Variants in MATCAP2 observed in about 807,000 individuals in gnomAD.
MATCAP2 encodes the protein putative tyrosine carboxypeptidase MATCAP2.
At chr7:36,362,317 C>T in the MATCAP2 span, among the ~76,000 whole-genome samples, 1 of 152,298 alleles carries the variant, frequency 6.6e-6, no homozygotes, top group Non-Finnish European at 1.5e-5. Context: ...TTCAGGAATT[C>T]AGAAACTTGA....
At chr7:36,325,802 C>T in the MATCAP2 span, 1 of 152,036 alleles carries the variant, frequency 6.6e-6, no homozygotes, top group Non-Finnish European at 1.5e-5. Context: ...ATATACTGAA[C>T]CAATAGCACA....
At chr7:36,357,505 G>C in the MATCAP2 span, 1 of 1,613,946 alleles carries the variant, frequency 6.2e-7, no homozygotes, top group Non-Finnish European at 8.5e-7. Flanking sequence ...AATGTGAAAT[G>C]CTTCTTTTGT....
the MATCAP2 span, chr7:36,326,232 T>A: frequency 6.6e-6 from 1 of 152,208 alleles, no homozygotes; most frequent in Admixed American, 6.5e-5. Context: ...CAAATTGCTT[T>A]TCCTCTCCCT....
the MATCAP2 span, among the ~76,000 whole-genome samples, chr7:36,376,956 A>T: frequency 6.6e-6 from 1 of 151,950 alleles, no homozygotes; most frequent in Non-Finnish European, 1.5e-5. Context: ...TTGCCTTGGT[A>T]GATCTTCCTC....
chr7:36,366,108 CT>C, the MATCAP2 span, among the ~76,000 whole-genome samples: 5 of 152,170 alleles, frequency 3.3e-5, no homozygotes, highest in African/African-American at 7.2e-5. Flanking sequence ...AAAATTCCGG[CT>C]TTATTTTGGC....
chr7:36,379,270 G>A, the MATCAP2 span, among the ~76,000 whole-genome samples: 1 of 152,176 alleles, frequency 6.6e-6, no homozygotes, highest in South Asian at 2.1e-4. Flanking sequence ...TTAAGTCAGT[G>A]GGGCTGATGA....
At chr7:36,335,385 T>C in the MATCAP2 span, among the ~76,000 whole-genome samples, 7 of 152,164 alleles carry the variant, frequency 4.6e-5, no homozygotes, top group African/African-American at 1.7e-4. Flanking sequence ...GAACCTTCCA[T>C]GAGTTTAAGG....
At chr7:36,348,119 G>A in the MATCAP2 span, among the ~76,000 whole-genome samples, 6 of 152,054 alleles carry the variant, frequency 3.9e-5, no homozygotes, top group Non-Finnish European at 7.4e-5. Flanking sequence ...AGAACAGTCC[G>A]AAAATGGTTA....
chr7:36,361,552 C>T, the MATCAP2 span, among the ~76,000 whole-genome samples: 390 of 152,122 alleles, frequency 2.6e-3, 2 homozygotes, highest in African/African-American at 8.9e-3. Context: ...CAAAATAATC[C>T]CCAAACAAGA....
chr7:36,325,374 C>T, the MATCAP2 span: 1 of 152,236 alleles, frequency 6.6e-6, no homozygotes, highest in Non-Finnish European at 1.5e-5. Flanking sequence ...TTTGCTGCAA[C>T]ATTCTTCTTT....
chr7:36,389,235 G>T, the MATCAP2 span, among the ~76,000 whole-genome samples: 46 of 152,150 alleles, frequency 3.0e-4, 1 homozygote, highest in African/African-American at 1.1e-3. Flanking sequence ...TAATTTTTTT[G>T]TATTTTTAGT....
the MATCAP2 span, among the ~76,000 whole-genome samples, chr7:36,336,995 C>G: frequency 6.8e-6 from 1 of 146,760 alleles, no homozygotes; most frequent in South Asian, 2.2e-4. Flanking sequence ...ACTTGGGAGG[C>G]TGAAGCAGAA....
the MATCAP2 span, among the ~76,000 whole-genome samples, chr7:36,336,551 C>G: frequency 6.6e-6 from 1 of 152,104 alleles, no homozygotes; most frequent in Non-Finnish European, 1.5e-5. Context: ...ACAGAGGGCT[C>G]AAGAACTGCG....
chr7:36,385,410 A>T, the MATCAP2 span, among the ~76,000 whole-genome samples: 1 of 152,252 alleles, frequency 6.6e-6, no homozygotes, highest in African/African-American at 2.4e-5. Flanking sequence ...ATCAACATTT[A>T]TAACTAATAT....
the MATCAP2 span, among the ~76,000 whole-genome samples, chr7:36,381,371 G>A: frequency 1.2e-4 from 18 of 152,042 alleles, 1 homozygote; most frequent in Admixed American, 9.2e-4. Flanking sequence ...GAATGTTAAG[G>A]TCAGAGTATA....
the MATCAP2 span, among the ~76,000 whole-genome samples, chr7:36,377,036 G>A: frequency 6.6e-6 from 1 of 152,066 alleles, no homozygotes; most frequent in South Asian, 2.1e-4. Flanking sequence ...CACACTGATG[G>A]GTCTTAACTC....
the MATCAP2 span, among the ~76,000 whole-genome samples, chr7:36,386,355 A>C: frequency 6.6e-6 from 1 of 152,132 alleles, no homozygotes; most frequent in Non-Finnish European, 1.5e-5. Context: ...GAACATCTTT[A>C]TTATCTCAGG....
chr7:36,350,182 C>T, the MATCAP2 span, among the ~76,000 whole-genome samples: 2 of 152,114 alleles, frequency 1.3e-5, no homozygotes. Context: ...AATTTTACGT[C>T]AAGACATCCT....
At chr7:36,379,604 A>G in the MATCAP2 span, among the ~76,000 whole-genome samples, 1 of 152,014 alleles carries the variant, frequency 6.6e-6, no homozygotes, top group East Asian at 1.9e-4. Context: ...ATATGTAAAT[A>G]TATATATGTG....
Sources: allele counts gnomAD v4.1 joint callset (sites outside exome capture counted in the v4.1 genomes callset), GRCh38; gene constraint gnomAD v4.1.1; transcripts MANE v1.5; gene names NCBI Gene and HGNC (gene_info 2026-07-23, HGNC 2026-07-21).